RGS7: variants seen among roughly 807,000 people sequenced by gnomAD.
RGS7 encodes regulator of G-protein signaling 7.
RGS7 carries 27 observed loss-of-function variants against 81.1 expected under a neutral mutation model. The observed-to-expected ratio is 0.33, with a 90% CI of 0.25 to 0.46. RGS7 has a LOEUF of 0.46. Among genes scored for constraint, RGS7 ranks in the 20% least tolerant of loss-of-function variants. The pLI is 1.00. For synonymous variants in RGS7, 208 were observed against 207.7 expected (o/e 1.00, Z -0.01); for missense variants, 396 against 607.4 (o/e 0.65, Z 3.66).
At chr1:241,012,831 A>G (rs1023024579) in intron 3 of RGS7, among the ~76,000 whole-genome samples, 12 of 152,272 alleles carry the variant, frequency 7.9e-5, no homozygotes, top group African/African-American at 2.9e-4. Flanking sequence ...GGACTTTTAA[A>G]GGTCTAGCAG....
intron 10 of RGS7, among the ~76,000 whole-genome samples, chr1:240,825,351 G>C (rs1465220896): frequency 2.0e-5 from 3 of 152,168 alleles, no homozygotes; most frequent in Non-Finnish European, 4.4e-5. Context: ...TATGTGGCTT[G>C]GAGTCGGATA....
rs1367697265 is a variant in RGS7, at chr1:240,954,869, C to T, written c.227-18163G>A. ...AAATCCCAAAGAATCTACAAAAACA[C>T]TCCTGAAATTTAAAAGGTAGAATAT... is the stretch of plus-strand genomic sequence containing the variant. On this transcript the variant is annotated intron_variant, in intron 4 of 18. Coordinates refer to ENST00000440928, the MANE Select transcript of RGS7 (RefSeq NM_001364886.1). Among the ~76,000 whole-genome samples, 6 of 152,248 alleles carry T rather than the reference C, an allele frequency of 3.9e-5. 2 individuals carry two copies. The South Asian group carries it at 1.0e-3, about 26-fold the overall frequency.
intron 10 of RGS7, among the ~76,000 whole-genome samples, chr1:240,825,000 T>C (rs1254624852): frequency 6.6e-6 from 1 of 152,224 alleles, no homozygotes; most frequent in Non-Finnish European, 1.5e-5. Context: ...CTCGAACTTC[T>C]AGTTTCCGTA....
chr1:241,085,089 A>G (rs1427604657), intron 3 of RGS7, among the ~76,000 whole-genome samples: 1 of 152,198 alleles, frequency 6.6e-6, no homozygotes. Context: ...ACATCATTAC[A>G]AGGAATTGAG....
chr1:241,312,385 C>T (rs539517045), intron 2 of RGS7, among the ~76,000 whole-genome samples: 1 of 152,150 alleles, frequency 6.6e-6, no homozygotes, highest in Non-Finnish European at 1.5e-5. Context: ...AAGTTTGTGA[C>T]AACTCCGCAC....
intron 4 of RGS7, among the ~76,000 whole-genome samples, chr1:240,970,020 C>T (rs913772001): frequency 6.6e-6 from 1 of 152,204 alleles, no homozygotes; most frequent in African/African-American, 2.4e-5. Flanking sequence ...ATCAAGTTCT[C>T]AACATGATGT....
intron 2 of RGS7, among the ~76,000 whole-genome samples, chr1:241,326,341 C>A (rs1157524698): frequency 1.3e-5 from 2 of 152,180 alleles, no homozygotes; most frequent in Non-Finnish European, 2.9e-5. Flanking sequence ...CCATAGGCTA[C>A]CTTCTTGCTC....
At chr1:241,344,299 T>A (rs2082752321) in intron 2 of RGS7, among the ~76,000 whole-genome samples, 1 of 152,296 alleles carries the variant, frequency 6.6e-6, no homozygotes, top group South Asian at 2.1e-4. Context: ...AAACAAAATA[T>A]CAAGCCACTG....
intron 3 of RGS7, among the ~76,000 whole-genome samples, chr1:241,050,874 G>A (rs989509123): frequency 9.2e-5 from 14 of 152,122 alleles, no homozygotes; most frequent in Middle Eastern, 6.8e-3. Context: ...TATAAAATAC[G>A]TGTCAATCAA....
rs548433609 is a variant in RGS7, at chr1:241,109,534, C to T, written c.79-10772G>A. 1.2e-4 allele frequency among the ~76,000 whole-genome samples: 18 copies of T among 152,176 alleles called. No homozygotes were observed. In the South Asian group the frequency reaches 1.2e-3, roughly 11 times the overall value. ...GCTTTGGTAATTTGCATTAGTTTTG[C>T]TATCTGTGGCATGGTCCATGAGGAA... On this transcript the variant is annotated intron_variant, in intron 2 of 18. Transcript: ENST00000440928.
intron 2 of RGS7, among the ~76,000 whole-genome samples, chr1:241,118,761 C>T (rs570544390): frequency 1.2e-4 from 19 of 152,046 alleles, no homozygotes; most frequent in Admixed American, 7.2e-4. Flanking sequence ...GGAGAGGGGG[C>T]CATTATCCTA....
At position 241,350,758 on chromosome 1, in the gene RGS7, A is replaced by C. The variant is rs561266716; in HGVS notation, c.78+4941T>G. On this transcript the variant is annotated intron_variant, in intron 2 of 18. Coordinates refer to ENST00000440928, the MANE Select transcript of RGS7 (RefSeq NM_001364886.1). ...CCCCATCTCAAAAAAAAAAAAAAAA[A>C]AAAAAAAAAGCCAAAGATTATTTTT... is the stretch of plus-strand genomic sequence containing the variant. Among the ~76,000 whole-genome samples, 148 of 151,910 alleles carry C rather than the reference A, an allele frequency of 9.7e-4. 1 individual carries two copies. The highest frequency in any genetic ancestry group is 3.5e-3 in the African/African-American group (145 of 41,418).
chr1:241,237,203 G>A (rs10802936), intron 2 of RGS7, among the ~76,000 whole-genome samples: 19,059 of 152,174 alleles, frequency 0.13, 1,399 homozygotes, highest in East Asian at 0.22. Flanking sequence ...AGAATTACAC[G>A]TGACTTCTGG....
intron 4 of RGS7, among the ~76,000 whole-genome samples, chr1:240,980,868 G>A (rs1296863469): frequency 6.6e-6 from 1 of 152,150 alleles, no homozygotes; most frequent in Non-Finnish European, 1.5e-5. Context: ...TACAGAACAT[G>A]TATGTTCCTT....
chr1:240,859,770 T>C lies in RGS7; in HGVS notation c.609+8817A>G, dbSNP rs1409788177. Among the ~76,000 whole-genome samples, 4 of 152,290 alleles carry C rather than the reference T, an allele frequency of 2.6e-5. No individual in the cohort carries two copies. In the East Asian group the frequency reaches 5.8e-4, roughly 22 times the overall value. On this transcript the variant is annotated intron_variant, in intron 9 of 18. Transcript: ENST00000440928. Reference sequence around the variant, plus strand: ...TTACTTTGGATTTAACTTGTTCTCCTATTCCTAGTTTCCAAATGTGGAAGT... The same window carrying C: ...TTACTTTGGATTTAACTTGTTCTCCCATTCCTAGTTTCCAAATGTGGAAGT...
chr1:241,099,729 T>C (rs982515688), intron 2 of RGS7, among the ~76,000 whole-genome samples: 1 of 152,188 alleles, frequency 6.6e-6, no homozygotes, highest in Non-Finnish European at 1.5e-5. Context: ...AATCCATTCA[T>C]CCATTTACTC....
At chr1:240,951,195 T>C (rs150723652) in intron 4 of RGS7, among the ~76,000 whole-genome samples, 3,774 of 152,216 alleles carry the variant, frequency 0.025, 95 homozygotes, top group African/African-American at 0.055. Context: ...GCTGGGATTA[T>C]AGGCATGAGC....
chr1:241,356,401 C>T (rs964747526), intron 1 of RGS7, among the ~76,000 whole-genome samples: 4 of 152,214 alleles, frequency 2.6e-5, no homozygotes, highest in Non-Finnish European at 5.9e-5. Flanking sequence ...CTTTCACCTG[C>T]CTGCGCTGCC....
intron 2 of RGS7, among the ~76,000 whole-genome samples, chr1:241,141,348 T>G (rs1192598500): frequency 6.6e-6 from 1 of 152,204 alleles, no homozygotes; most frequent in Non-Finnish European, 1.5e-5. Context: ...GTGCTGTAAC[T>G]GTCACAAATG....
Sources: gnomAD v4.1 joint callset for allele counts (sites outside exome capture counted in the v4.1 genomes callset) on GRCh38, gnomAD v4.1.1 for gene constraint, MANE v1.5 for transcripts, NCBI Gene and HGNC (gene_info 2026-07-23, HGNC 2026-07-21) for gene names.